The following SLAMF6 variants were observed in gnomAD, a reference collection of about 807,000 sequenced individuals.
The protein encoded by SLAMF6 is NK-T-B-antigen.
In SLAMF6, 21 loss-of-function variants were observed where a neutral mutation model predicts 38.3. The observed-to-expected ratio is 0.55, with a 90% CI of 0.39 to 0.79. The LOEUF (loss-of-function observed/expected upper bound fraction) is 0.79. SLAMF6 is among the 30% of genes least tolerant of loss of function. The pLI, the probability that SLAMF6 is intolerant of heterozygous loss-of-function variation, is 0.00. For synonymous variants in SLAMF6, 152 were observed against 146.3 expected (o/e 1.04, Z -0.28); for missense variants, 341 against 385.3 (o/e 0.89, Z 0.96).
At chr1:160,503,522 A>C (rs921691690) in intron 1 of SLAMF6, among the ~76,000 whole-genome samples, 2 of 152,166 alleles carry the variant, frequency 1.3e-5, no homozygotes, top group Admixed American at 6.5e-5. Flanking sequence ...GGGATCACCT[A>C]ATATTAGCAA....
intron 1 of SLAMF6, among the ~76,000 whole-genome samples, chr1:160,521,687 G>A (rs1654991336): frequency 6.6e-6 from 1 of 152,000 alleles, no homozygotes; most frequent in African/African-American, 2.4e-5. Flanking sequence ...CTAGTCCTAA[G>A]TTCCCAGGAT....
chr1:160,490,300 C>T (rs2102016434), intron 4 of SLAMF6, 64 bp from the exon 5 acceptor site: 1 of 1,609,820 alleles, frequency 6.2e-7, no homozygotes, highest in Non-Finnish European at 8.5e-7. Flanking sequence ...TCACCCCTAA[C>T]CCCGTGAGTG....
At chr1:160,519,457 T>C (rs1228466089) in intron 1 of SLAMF6, among the ~76,000 whole-genome samples, 1 of 152,180 alleles carries the variant, frequency 6.6e-6, no homozygotes, top group Non-Finnish European at 1.5e-5. Flanking sequence ...AATCCATTCC[T>C]AGGTATATAC....
In SLAMF6 at chr1:160,490,664, TC is replaced by T; in HGVS notation, c.667del (p.Asp223IlefsTer4). ...LCEDVKIQYT[D>X]TKMILFMVSG... ...AACCATAAACAGAATCATTTTGGTA[TC>T]TGTATATTGAATTTTAACATCTGAA... On this transcript the variant is annotated frameshift_variant, in exon 4 of 8. Coordinates refer to ENST00000368057, the MANE Select transcript of SLAMF6 (RefSeq NM_001184714.2). LOFTEE classifies it high-confidence loss of function. 6.2e-7 allele frequency: 1 copy of T among 1,613,762 alleles called. No homozygotes were observed. Among genetic ancestry groups the T allele is most frequent in the Non-Finnish European group, 8.5e-7 (1 of 1,179,812 alleles).
intron 5 of SLAMF6, among the ~76,000 whole-genome samples, chr1:160,489,534 ATAT>A (rs1416278487): frequency 6.6e-6 from 1 of 152,180 alleles, no homozygotes; most frequent in Non-Finnish European, 1.5e-5. Flanking sequence ...CACATTTGGG[ATAT>A]TATTAAGCTT....
intron 7 of SLAMF6, 69 bp from the exon 8 acceptor site, chr1:160,486,823 C>A: frequency 1.9e-6 from 3 of 1,547,394 alleles, no homozygotes; most frequent in Non-Finnish European, 2.7e-6. Context: ...CTCATAACTA[C>A]AGAGAGAGGA....
chr1:160,516,411 G>A (rs188469408), intron 1 of SLAMF6, among the ~76,000 whole-genome samples: 319 of 152,248 alleles, frequency 2.1e-3, no homozygotes, highest in Non-Finnish European at 2.5e-3. Context: ...TCAACATCAT[G>A]AAAATGACCA....
chr1:160,485,946 C>T lies in SLAMF6; in HGVS notation c.*761G>A, dbSNP rs1192147472. 6.6e-6 allele frequency: 1 copy of T among 152,624 alleles called. No individual in the cohort carries two copies. Among genetic ancestry groups the T allele is most frequent in the African/African-American group, 2.4e-5 (1 of 41,456 alleles). The allele number at this position is 152,624 out of a possible 1,614,324, so 9.5% of individuals were successfully genotyped here. A position where few individuals can be genotyped will look rare whatever the true frequency, so the allele number is the denominator to read the frequency against. ...AATGGAGCTGATGTAATACCATCCT[C>T]TTCCTTTTTCAGTCTGGGAGACTAA... On this transcript the variant is annotated 3_prime_UTR_variant, in exon 8 of 8. Transcript: ENST00000368057.
chr1:160,506,182 A>C (rs1384693902), intron 1 of SLAMF6, among the ~76,000 whole-genome samples: 1 of 152,208 alleles, frequency 6.6e-6, no homozygotes, highest in Non-Finnish European at 1.5e-5. Flanking sequence ...GAACTCCAAG[A>C]AGAATGATCA....
At position 160,491,403 on chromosome 1, in the gene SLAMF6, A is replaced by C. The variant is rs1337981564; in HGVS notation, c.383-15T>G. 1 of 1,600,966 alleles carries C rather than the reference A, an allele frequency of 6.2e-7. No individual in the cohort carries two copies. Among genetic ancestry groups the C allele is most frequent in the Non-Finnish European group, 8.5e-7 (1 of 1,174,234 alleles). Reference sequence around the variant, plus strand: ...CCTCAGTTGTCCTGTTTGCAGAAAAAAAAAAGATCCAGATTAAGGACAAAT... The same window carrying C: ...CCTCAGTTGTCCTGTTTGCAGAAAACAAAAAGATCCAGATTAAGGACAAAT... On this transcript the variant is annotated splice_polypyrimidine_tract_variant and intron_variant, in intron 2 of 7. Coordinates refer to ENST00000368057, the MANE Select transcript of SLAMF6 (RefSeq NM_001184714.2).
intron 1 of SLAMF6, among the ~76,000 whole-genome samples, chr1:160,501,931 C>T (rs1014436351): frequency 6.6e-6 from 1 of 151,818 alleles, no homozygotes; most frequent in Admixed American, 6.6e-5. Flanking sequence ...CCCCACAGAC[C>T]CAAAACCAAA....
chr1:160,501,760 C>T (rs1653908707), intron 1 of SLAMF6, among the ~76,000 whole-genome samples: 1 of 148,564 alleles, frequency 6.7e-6, no homozygotes, highest in East Asian at 2.0e-4. Flanking sequence ...ATCTTTCCTA[C>T]ATGGTAAGCT....
intron 1 of SLAMF6, among the ~76,000 whole-genome samples, chr1:160,517,040 T>C (rs763582239): frequency 2.0e-5 from 3 of 152,012 alleles, no homozygotes; most frequent in Non-Finnish European, 4.4e-5. Context: ...AGCTTCTGCA[T>C]AGCAGAAGAA....
chr1:160,520,084 A>G (rs1654917403), intron 1 of SLAMF6, among the ~76,000 whole-genome samples: 1 of 152,154 alleles, frequency 6.6e-6, no homozygotes, highest in Non-Finnish European at 1.5e-5. Flanking sequence ...TCTGAGGATA[A>G]TGAAAAAATA....
At position 160,490,663 on chromosome 1, in the gene SLAMF6, A is replaced by G; in HGVS notation, c.669T>C (p.Asp223=). The G allele has an allele frequency of 6.2e-7, 1 of 1,613,634 alleles. No individual in the cohort carries two copies. Among genetic ancestry groups the G allele is most frequent in the Non-Finnish European group, 8.5e-7 (1 of 1,179,686 alleles). The change falls in exon 4 of 8, where the codon GAT becomes GAC. Residue 223 remains aspartate (D), a synonymous_variant. Coordinates refer to ENST00000368057, the MANE Select transcript of SLAMF6 (RefSeq NM_001184714.2). The part of the protein sequence containing the change: ...LCEDVKIQYT[D]TKMILFMVSG... ...AAACCATAAACAGAATCATTTTGGT[A>G]TCTGTATATTGAATTTTAACATCTG... is the stretch of plus-strand genomic sequence containing the variant.
chr1:160,515,906 T>C (rs1654717261), intron 1 of SLAMF6, among the ~76,000 whole-genome samples: 1 of 152,120 alleles, frequency 6.6e-6, no homozygotes, highest in African/African-American at 2.4e-5. Context: ...TTATACTGAA[T>C]GGGCAAAACT....
intron 1 of SLAMF6, among the ~76,000 whole-genome samples, chr1:160,507,620 A>T (rs969406974): frequency 1.3e-5 from 2 of 152,200 alleles, no homozygotes; most frequent in African/African-American, 4.8e-5. Context: ...TCGTTCTCAT[A>T]GGACAGACCA....
intron 1 of SLAMF6, among the ~76,000 whole-genome samples, chr1:160,504,378 C>T (rs1654072300): frequency 6.6e-6 from 1 of 151,964 alleles, no homozygotes; most frequent in East Asian, 1.9e-4. Flanking sequence ...TGTTGTACAG[C>T]TTAGATATAC....
intron 1 of SLAMF6, among the ~76,000 whole-genome samples, chr1:160,504,243 A>G (rs1036359239): frequency 6.6e-6 from 1 of 152,138 alleles, no homozygotes; most frequent in Admixed American, 6.6e-5. Context: ...TATACCGAAC[A>G]TTTGCTCAGA....
Sources: gnomAD v4.1 joint callset for allele counts (sites outside exome capture counted in the v4.1 genomes callset) on GRCh38, gnomAD v4.1.1 for gene constraint, MANE v1.5 for transcripts, NCBI Gene and HGNC (gene_info 2026-07-23, HGNC 2026-07-21) for gene names.